Variants in CHD6 observed in about 807,000 individuals in gnomAD.
The protein encoded by CHD6 is ATP-dependent chromatin remodeler CHD6.
Under a neutral mutation model 276.9 loss-of-function variants are expected in CHD6, and 50 were observed. That is an observed-to-expected ratio of 0.18 (90% CI 0.14 to 0.23). The LOEUF (loss-of-function observed/expected upper bound fraction) is 0.23. CHD6 is among the 10% of genes least tolerant of loss of function. The probability of loss-of-function intolerance (pLI) is 1.00; values close to 1 mark genes in which losing one functional copy is unlikely to be tolerated. For missense variants in CHD6, 2,564 were observed against 3,365.8 expected (o/e 0.76, Z 5.89); for synonymous variants, 1,173 against 1,229.3 (o/e 0.95, Z 0.96).
Position 41,421,784 on chromosome 20 carries a change from C to T in CHD6, c.4851G>A (p.Gln1617=), listed in dbSNP as rs1164757440. The T allele has an allele frequency of 6.2e-7, 1 of 1,614,172 alleles. No individual in the cohort carries two copies. The highest frequency in any genetic ancestry group is 8.5e-7 in the Non-Finnish European group (1 of 1,180,040). Residue 1617 remains glutamine, a synonymous_variant, in exon 31 of 37, where the codon CAG becomes CAA. Transcript: ENST00000373233. ...SFLDAYRNYA[Q]HKRSGTQAPG... ...GTGCCTGGGTGCCAGATCTTTTATGCTGGGCATAGTTTCTATAGGCATCCA... is the reference window on the plus strand; with the variant it reads ...GTGCCTGGGTGCCAGATCTTTTATGTTGGGCATAGTTTCTATAGGCATCCA...
chr20:41,607,321 A>T (rs1181803445), intron 1 of CHD6, among the ~76,000 whole-genome samples: 2 of 152,192 alleles, frequency 1.3e-5, no homozygotes, highest in Admixed American at 1.3e-4. Context: ...GAGTCTTAAC[A>T]AAATTTGGAC....
chr20:41,437,916 T>C (rs2047766462), intron 26 of CHD6, among the ~76,000 whole-genome samples: 1 of 151,732 alleles, frequency 6.6e-6, no homozygotes, highest in Non-Finnish European at 1.5e-5. Context: ...CAAGGACCTT[T>C]ATTCAACTGA....
intron 3 of CHD6, among the ~76,000 whole-genome samples, chr20:41,525,605 G>GT (rs2044512495): frequency 6.6e-6 from 1 of 152,182 alleles, no homozygotes; most frequent in African/African-American, 2.4e-5. Flanking sequence ...TATCATTTCA[G>GT]TAAGATTTGG....
At chr20:41,603,410 T>A (rs773657296) in intron 1 of CHD6, among the ~76,000 whole-genome samples, 57 of 152,186 alleles carry the variant, frequency 3.7e-4, no homozygotes, top group Admixed American at 1.1e-3. Context: ...CTAGGCACAA[T>A]ATAGTGTTTT....
Position 41,487,912 on chromosome 20 carries a change from A to C in CHD6, c.1858-104T>G, listed in dbSNP as rs1248486191. 11 of 1,134,148 alleles carry C rather than the reference A, an allele frequency of 9.7e-6. No homozygotes were observed. In the African/African-American group the frequency reaches 1.5e-4, roughly 15 times the overall value. The allele number at this position is 1,134,148 out of a possible 1,614,324, so 70.3% of individuals were successfully genotyped here. A position where few individuals can be genotyped will look rare whatever the true frequency, so the allele number is the denominator to read the frequency against. On this transcript the variant is annotated intron_variant, in intron 13 of 36. Transcript: ENST00000373233. Reference sequence around the variant, plus strand: ...GGCATTGAGTGCTCAATTTGGGGCAATTCTGATCTGCTTTAATGAAAAGAT... The same window carrying C: ...GGCATTGAGTGCTCAATTTGGGGCACTTCTGATCTGCTTTAATGAAAAGAT...
At chr20:41,419,390 G>A (rs1275181593) in intron 31 of CHD6, among the ~76,000 whole-genome samples, 12 of 151,538 alleles carry the variant, frequency 7.9e-5, no homozygotes, top group Non-Finnish European at 8.8e-5. Context: ...GACCAGCCTG[G>A]CCAACATGGT....
Position 41,421,421 on chromosome 20 carries a change from T to G in CHD6, c.5214A>C (p.Ser1738=), listed in dbSNP as rs2145469331. The G allele has an allele frequency of 6.2e-7, 1 of 1,614,112 alleles. No individual in the cohort carries two copies. The highest frequency in any genetic ancestry group is 8.5e-7 in the Non-Finnish European group (1 of 1,179,954). Reference sequence around the variant, plus strand: ...ACTGGCAGTTCCCATCTTTGCTTATTGAGATGGTAATAACATCTTTTCTAG... The same window carrying G: ...ACTGGCAGTTCCCATCTTTGCTTATGGAGATGGTAATAACATCTTTTCTAG... ...TESRKDVITI[S]ISKDGNCQSG... is the part of the protein sequence containing the mutation. The change falls in exon 31 of 37, where the codon TCA becomes TCC. Residue 1738 remains serine (S), a synonymous_variant. Coordinates refer to ENST00000373233, the MANE Select transcript of CHD6 (RefSeq NM_032221.5).
rs546653314 is a variant in CHD6 at position 41,594,112 on chromosome 20, C to T, written c.-24+24228G>A. ...ATCTCAATTATTGAAAAAAACACCA[C>T]ATTCATAATAAGCATCCCTATAGTT... On this transcript the variant is annotated intron_variant, in intron 1 of 36. Coordinates refer to ENST00000373233, the MANE Select transcript of CHD6 (RefSeq NM_032221.5). Among the ~76,000 whole-genome samples, 36 of 152,146 alleles carry T rather than the reference C, an allele frequency of 2.4e-4. 1 individual carries two copies. The South Asian group carries it at 7.3e-3, about 31-fold the overall frequency.
At chr20:41,494,040 C>T in intron 8 of CHD6, 96 bp from the exon 9 acceptor site, 1 of 777,804 alleles carries the variant, frequency 1.3e-6, no homozygotes, top group Non-Finnish European at 2.1e-6. Context: ...ACTCTAGGCC[C>T]TATCAACAAA....
At chr20:41,576,062 A>C (rs1184220086) in intron 1 of CHD6, among the ~76,000 whole-genome samples, 2 of 152,210 alleles carry the variant, frequency 1.3e-5, no homozygotes, top group East Asian at 3.8e-4. Flanking sequence ...AGGAAAAATT[A>C]ATTCTTTTTT....
At chr20:41,601,713 TCA>T (rs1309778835) in intron 1 of CHD6, among the ~76,000 whole-genome samples, 2 of 152,202 alleles carry the variant, frequency 1.3e-5, no homozygotes, top group African/African-American at 4.8e-5. Context: ...TCCCTGTGCC[TCA>T]GTTTCCTCAT....
chr20:41,592,786 C>T (rs1234176798), intron 1 of CHD6, among the ~76,000 whole-genome samples: 1 of 152,100 alleles, frequency 6.6e-6, no homozygotes, highest in Non-Finnish European at 1.5e-5. Flanking sequence ...GCCATGACTT[C>T]CCAAGATTCC....
intron 2 of CHD6, among the ~76,000 whole-genome samples, chr20:41,550,246 A>G (rs1004330737): frequency 1.3e-5 from 2 of 152,188 alleles, no homozygotes; most frequent in African/African-American, 4.8e-5. Flanking sequence ...TTATACACAC[A>G]GTTTTGCACA....
chr20:41,551,485 G>T, intron 1 of CHD6, 125 bp from the exon 2 acceptor site: 1 of 566,494 alleles, frequency 1.8e-6, no homozygotes, highest in South Asian at 2.0e-5. Flanking sequence ...GAACATTTAT[G>T]TCCAACAACC....
At chr20:41,585,001 C>T (rs1378874704) in intron 1 of CHD6, among the ~76,000 whole-genome samples, 3 of 151,772 alleles carry the variant, frequency 2.0e-5, no homozygotes, top group Non-Finnish European at 2.9e-5. Context: ...GAAACCAAAG[C>T]GAGTTTTTTA....
chr20:41,442,021 T>A (rs2047917759), intron 25 of CHD6, among the ~76,000 whole-genome samples: 1 of 152,242 alleles, frequency 6.6e-6, no homozygotes, highest in Non-Finnish European at 1.5e-5. Context: ...AGAAATCTTT[T>A]TGCTGCAGGC....
chr20:41,423,751 G>C (rs372615345), intron 29 of CHD6, 51 bp from the exon 30 acceptor site: 1 of 1,426,278 alleles, frequency 7.0e-7, no homozygotes, highest in Non-Finnish European at 9.8e-7. Context: ...TTTTTTTAAA[G>C]CCAATAACTG....
rs778810348 is a variant in CHD6, at chr20:41,413,525, G to A, written c.6940-10C>T. ...GGTCTTCATGGACTTCCTGGATGAA[G>A]GAAAAACGAGTATGTATAATCACGA... On this transcript the variant is annotated splice_polypyrimidine_tract_variant and intron_variant, in intron 34 of 36. Coordinates refer to ENST00000373233, the MANE Select transcript of CHD6 (RefSeq NM_032221.5). The A allele has an allele frequency of 4.0e-6, 6 of 1,517,866 alleles. No individual in the cohort carries two copies. The highest frequency in any genetic ancestry group is 5.3e-6 in the Non-Finnish European group (6 of 1,132,064). 94.0% of individuals were successfully genotyped at this position (1,517,866 alleles called of 1,614,324 possible).
chr20:41,554,551 T>C (rs2045193428), intron 1 of CHD6, among the ~76,000 whole-genome samples: 1 of 151,436 alleles, frequency 6.6e-6, no homozygotes, highest in Non-Finnish European at 1.5e-5. Flanking sequence ...TCCGCAGTGT[T>C]TGTGTCCCTG....
Sources: gnomAD v4.1 joint callset for allele counts (sites outside exome capture counted in the v4.1 genomes callset) on GRCh38, gnomAD v4.1.1 for gene constraint, MANE v1.5 for transcripts, NCBI Gene and HGNC (gene_info 2026-07-23, HGNC 2026-07-21) for gene names.